SCN2A: variants seen among roughly 807,000 people sequenced by gnomAD.
SCN2A encodes the protein sodium channel protein type 2 subunit alpha.
SCN2A carries 20 observed loss-of-function variants against 188.7 expected under a neutral mutation model. That is an observed-to-expected ratio of 0.11 (90% CI 0.07 to 0.15). SCN2A has a LOEUF of 0.15. Among genes scored for constraint, SCN2A ranks in the 10% least tolerant of loss-of-function variants. SCN2A has a pLI of 1.00. For synonymous variants in SCN2A, 804 were observed against 833.1 expected (o/e 0.97, Z 0.60); for missense variants, 1,278 against 2,445.0 (o/e 0.52, Z 10.07).
At chr2:165,308,261 T>C (rs1476124858) in intron 4 of SCN2A, among the ~76,000 whole-genome samples, 1 of 152,158 alleles carries the variant, frequency 6.6e-6, no homozygotes, top group African/African-American at 2.4e-5. Context: ...GTTCCTTTTT[T>C]AATGACTACC....
intron 14 of SCN2A, among the ~76,000 whole-genome samples, chr2:165,338,299 G>A (rs528611320): frequency 1.5e-5 from 2 of 133,866 alleles, no homozygotes; most frequent in African/African-American, 5.8e-5. Context: ...TCGCTCTCTC[G>A]CCCAGGCTGG....
At chr2:165,315,841 T>A (rs2105260457) in intron 11 of SCN2A, 83 bp downstream of exon 11, 3 of 1,433,024 alleles carry the variant, frequency 2.1e-6, no homozygotes, top group Admixed American at 1.8e-5. Flanking sequence ...GAAAACCGCC[T>A]TCCACCTGGA....
chr2:165,345,471 G>A (rs1051642753), intron 16 of SCN2A, among the ~76,000 whole-genome samples: 25 of 151,784 alleles, frequency 1.6e-4, no homozygotes, highest in African/African-American at 6.0e-4. Context: ...ATTATGTAGT[G>A]TCTTTCTTTG....
intron 11 of SCN2A, among the ~76,000 whole-genome samples, chr2:165,317,031 T>C (rs1697790347): frequency 6.6e-6 from 1 of 152,154 alleles, no homozygotes; most frequent in Non-Finnish European, 1.5e-5. Flanking sequence ...TAACTTTATT[T>C]AAAATACACA....
intron 1 of SCN2A, chr2:165,294,039 G>GA: frequency 3.7e-6 from 1 of 273,626 alleles, no homozygotes; most frequent in Non-Finnish European, 4.4e-6. Flanking sequence ...AAAAAAAAAA[G>GA]ATTTTTTTTT....
intron 1 of SCN2A, among the ~76,000 whole-genome samples, chr2:165,277,755 A>G (rs1466299079): frequency 6.6e-6 from 1 of 152,204 alleles, no homozygotes; most frequent in Non-Finnish European, 1.5e-5. Flanking sequence ...TTTCTATAAC[A>G]TTCATAGTAA....
At chr2:165,262,976 C>T (rs574021723) in intron 1 of SCN2A, among the ~76,000 whole-genome samples, 2 of 152,124 alleles carry the variant, frequency 1.3e-5, no homozygotes, top group Admixed American at 6.6e-5. Flanking sequence ...TTTTGATTTG[C>T]ATTTCCCTGA....
In SCN2A at chr2:165,295,740, G is replaced by A. The variant is rs562687165; in HGVS notation, c.-51-33G>A. ...GACACAATCACCTTTTATTCTAATGGTCATTGCTTTTTTTCCCTCCCTGTT... is the reference window on the plus strand; with the variant it reads ...GACACAATCACCTTTTATTCTAATGATCATTGCTTTTTTTCCCTCCCTGTT... On this transcript the variant is annotated intron_variant, in intron 1 of 26. Transcript: ENST00000375437. The A allele has an allele frequency of 2.8e-4, 452 of 1,599,878 alleles. 1 individual carries two copies. The African/African-American group carries it at 5.5e-3, about 19-fold the overall frequency.
intron 1 of SCN2A, among the ~76,000 whole-genome samples, chr2:165,294,727 G>T (rs1696409397): frequency 6.6e-6 from 1 of 152,078 alleles, no homozygotes; most frequent in Non-Finnish European, 1.5e-5. Context: ...TCCTGCCACT[G>T]GTTCAGAGGT....
chr2:165,267,646 GAA>G (rs1334505175), intron 1 of SCN2A: 1 of 151,692 alleles, frequency 6.6e-6, no homozygotes, highest in Non-Finnish European at 1.5e-5. Flanking sequence ...TCAACAGAAT[GAA>G]AAGACAACCT....
At chr2:165,386,566 G>T (rs1701884956) in intron 25 of SCN2A, among the ~76,000 whole-genome samples, 180 bp from the exon 26 acceptor site, 2 of 152,008 alleles carry the variant, frequency 1.3e-5, no homozygotes, top group African/African-American at 4.8e-5. Context: ...CCTAAGGCAA[G>T]TTACCTCAGC....
At chr2:165,361,888 T>A (rs1306109907) in intron 17 of SCN2A, among the ~76,000 whole-genome samples, 2 of 152,062 alleles carry the variant, frequency 1.3e-5, no homozygotes, top group Non-Finnish European at 2.9e-5. Flanking sequence ...TTTAAGACAA[T>A]ACTCCTAGTT....
At position 165,295,880 on chromosome 2, in the gene SCN2A, G is replaced by C. The variant is rs1409575197; in HGVS notation, c.57G>C (p.Arg19Ser). 1 of 1,614,124 alleles carries C rather than the reference G, an allele frequency of 6.2e-7. No individual in the cohort carries two copies. Among genetic ancestry groups the C allele is most frequent in the Non-Finnish European group, 8.5e-7 (1 of 1,180,026 alleles). Residue 19 changes from arginine to serine, a missense_variant, in exon 2 of 27, where the codon AGG becomes AGC. Arg to Ser is a moderately radical substitution (Grantham distance 110). Coordinates refer to ENST00000375437, the MANE Select transcript of SCN2A (RefSeq NM_001040142.2). Reference protein sequence around the residue: ...PGPDSFRFFTRESLAAIEQRI... With the variant: ...PGPDSFRFFTSESLAAIEQRI... ...CTGACAGCTTCCGCTTCTTTACCAG[G>C]GAATCCCTTGCTGCTATTGAACAAC...
intron 1 of SCN2A, among the ~76,000 whole-genome samples, chr2:165,283,956 C>G (rs1695704666): frequency 6.6e-6 from 1 of 151,996 alleles, no homozygotes; most frequent in Admixed American, 6.6e-5. Context: ...ATCAAGAAGC[C>G]AGTAGTGTGC....
At chr2:165,322,633 G>A (rs1481239132) in intron 11 of SCN2A, among the ~76,000 whole-genome samples, 1 of 152,128 alleles carries the variant, frequency 6.6e-6, no homozygotes, top group Admixed American at 6.5e-5. Context: ...GCTGCCCCGT[G>A]TACTATAATT....
intron 17 of SCN2A, among the ~76,000 whole-genome samples, chr2:165,363,700 G>T (rs1700579174): frequency 6.6e-6 from 1 of 151,946 alleles, no homozygotes; most frequent in Admixed American, 6.6e-5. Context: ...AAGATATTAG[G>T]ATTATTTTTC....
At chr2:165,373,083 A>C in intron 20 of SCN2A, 142 bp from the exon 21 acceptor site, 2 of 833,268 alleles carry the variant, frequency 2.4e-6, no homozygotes, top group Non-Finnish European at 4.0e-6. Flanking sequence ...AGACTCTGCT[A>C]TTGGTGTTTT....
At chr2:165,356,173 A>G (rs558446473) in intron 17 of SCN2A, among the ~76,000 whole-genome samples, 1 of 152,312 alleles carries the variant, frequency 6.6e-6, no homozygotes, top group Non-Finnish European at 1.5e-5. Flanking sequence ...CTTTGAATAT[A>G]GGAAGGTATA....
chr2:165,351,716 C>A (rs1306377895), intron 16 of SCN2A, among the ~76,000 whole-genome samples: 1 of 152,104 alleles, frequency 6.6e-6, no homozygotes, highest in Admixed American at 6.5e-5. Flanking sequence ...CTTGAAAATG[C>A]TTTGCACAAT....
Sources: gnomAD v4.1 joint callset for allele counts (sites outside exome capture counted in the v4.1 genomes callset) on GRCh38, gnomAD v4.1.1 for gene constraint, MANE v1.5 for transcripts, NCBI Gene and HGNC (gene_info 2026-07-23, HGNC 2026-07-21) for gene names.